STXBP6: variants seen among roughly 807,000 people sequenced by gnomAD.
The protein encoded by STXBP6 is syntaxin binding protein 6.
Under a neutral mutation model 26.9 loss-of-function variants are expected in STXBP6, and 21 were observed. That is an observed-to-expected ratio of 0.78 (90% CI 0.55 to 1.12). The LOEUF (loss-of-function observed/expected upper bound fraction) is 1.12, where lower values mean the gene tolerates loss of function less well. Ranked by LOEUF, STXBP6 falls within the 50% of genes most tolerant of loss-of-function variation. STXBP6 has a pLI of 0.00. For missense variants in STXBP6, 232 were observed against 257.9 expected, an observed-to-expected ratio of 0.90 and a Z score of 0.69; for synonymous variants, 97 against 92.6, an observed-to-expected ratio of 1.05 and a Z score of -0.27.
intron 4 of STXBP6, among the ~76,000 whole-genome samples, chr14:24,855,574 C>T (rs534677836): frequency 2.0e-5 from 3 of 151,984 alleles, no homozygotes; most frequent in African/African-American, 4.8e-5. Flanking sequence ...AAAAAGGCAA[C>T]CCAGAAAATG....
At chr14:24,911,101 G>A (rs2071555298) in intron 2 of STXBP6, among the ~76,000 whole-genome samples, 1 of 152,092 alleles carries the variant, frequency 6.6e-6, no homozygotes, top group African/African-American at 2.4e-5. Flanking sequence ...AAGGTGAGAG[G>A]ATCACTTGAG....
At chr14:24,871,757 C>G (rs544772517) in intron 2 of STXBP6, among the ~76,000 whole-genome samples, 1 of 152,320 alleles carries the variant, frequency 6.6e-6, no homozygotes, top group African/African-American at 2.4e-5. Context: ...ATATCACTAA[C>G]TCAGGAACTC....
chr14:24,873,864 C>G (rs1245747843), intron 2 of STXBP6, among the ~76,000 whole-genome samples: 2 of 152,204 alleles, frequency 1.3e-5, no homozygotes, highest in Admixed American at 1.3e-4. Flanking sequence ...CTGGCTGTGT[C>G]TGCCTGAACT....
chr14:24,973,403 T>C (rs1261563576), intron 2 of STXBP6, among the ~76,000 whole-genome samples: 13 of 126,336 alleles, frequency 1.0e-4, no homozygotes, highest in Non-Finnish European at 2.0e-4. Context: ...TTTTTTTTTT[T>C]GAGACAGAGT....
intron 2 of STXBP6, among the ~76,000 whole-genome samples, chr14:24,938,929 G>A (rs1322261116): frequency 6.6e-6 from 1 of 152,138 alleles, no homozygotes; most frequent in African/African-American, 2.4e-5. Context: ...TGTCCAGGGG[G>A]AAGGAAGATC....
At chr14:24,976,429 T>C (rs1375473091) in intron 1 of STXBP6, among the ~76,000 whole-genome samples, 1 of 152,242 alleles carries the variant, frequency 6.6e-6, no homozygotes, top group Admixed American at 6.5e-5. Flanking sequence ...ACAAAGAATA[T>C]GTATCTAGAT....
At chr14:24,958,143 C>T (rs558497057) in intron 2 of STXBP6, among the ~76,000 whole-genome samples, 26 of 152,116 alleles carry the variant, frequency 1.7e-4, no homozygotes, top group African/African-American at 4.3e-4. Context: ...GGATTCAATG[C>T]GGTTAGGCTA....
In STXBP6 at chr14:25,049,541, C is replaced by A; in HGVS notation, c.-33+337G>T. ...GGCCCATGCCATCGCGGGGACGGTG[C>A]GGAAAAAAAGGCTCCATCCTCAACT... On this transcript the variant is annotated intron_variant, in intron 1 of 5. Coordinates refer to ENST00000323944, the MANE Select transcript of STXBP6 (RefSeq NM_001394410.1). The surrounding 1 kb of genome is among the most constrained non-coding windows in gnomAD (Gnocchi z 5.6). 3 of 985,324 alleles carry A rather than the reference C, an allele frequency of 3.0e-6. No homozygotes were observed. The highest frequency in any genetic ancestry group is 1.7e-5 in the African/African-American group (1 of 57,306). The allele number at this position is 985,324 out of a possible 1,614,324, so 61.0% of individuals were successfully genotyped here. A position where few individuals can be genotyped will look rare whatever the true frequency, so the allele number is the denominator to read the frequency against.
chr14:24,910,202 G>T (rs1055336912), intron 2 of STXBP6, among the ~76,000 whole-genome samples: 1 of 151,998 alleles, frequency 6.6e-6, no homozygotes, highest in Non-Finnish European at 1.5e-5. Flanking sequence ...TGCTCACATG[G>T]CCCCATGTTA....
chr14:24,840,489 CTG>C (rs1470075928), intron 4 of STXBP6, among the ~76,000 whole-genome samples: 1 of 152,244 alleles, frequency 6.6e-6, no homozygotes, highest in Non-Finnish European at 1.5e-5. Flanking sequence ...TGTCCCAGCA[CTG>C]TGCCAATTTG....
Position 24,824,097 on chromosome 14 carries a change from G to C in STXBP6, c.452-4903C>G, listed in dbSNP as rs942499652. Among the ~76,000 whole-genome samples the C allele has an allele frequency of 2.6e-5, 4 of 152,126 alleles. No individual in the cohort carries two copies. In the East Asian group the frequency reaches 7.7e-4, roughly 29 times the overall value. ...TAATTTCACTGGATACAAAAAGGTA[G>C]GATTCACCTAAGACATGTTTTTTTC... On this transcript the variant is annotated intron_variant, in intron 4 of 5. Coordinates refer to ENST00000323944, the MANE Select transcript of STXBP6 (RefSeq NM_001394410.1).
chr14:24,831,811 C>T (rs1366065160), intron 4 of STXBP6, among the ~76,000 whole-genome samples: 1 of 151,804 alleles, frequency 6.6e-6, no homozygotes, highest in Non-Finnish European at 1.5e-5. Flanking sequence ...ATGATTTGCT[C>T]ATGTAAAATA....
At chr14:24,936,882 A>C (rs947993364) in intron 2 of STXBP6, among the ~76,000 whole-genome samples, 3 of 152,232 alleles carry the variant, frequency 2.0e-5, no homozygotes, top group African/African-American at 7.2e-5. Context: ...AAGACTTGGA[A>C]CCAACCCAAA....
At position 24,960,892 on chromosome 14, in the gene STXBP6, C is replaced by T. The variant is rs1164893834; in HGVS notation, c.154+13773G>A. ...TAATCACATCTCTTTCTCATCTAAC[C>T]CCACTTCAACCAAAGTCAAAAATTA... On this transcript the variant is annotated intron_variant, in intron 2 of 5. Transcript: ENST00000323944. Among the ~76,000 whole-genome samples, 5 of 152,216 alleles carry T rather than the reference C, an allele frequency of 3.3e-5. No individual in the cohort carries two copies. In the East Asian group the frequency reaches 9.6e-4, roughly 29 times the overall value.
chr14:24,842,072 A>C (rs1211698225), intron 4 of STXBP6, among the ~76,000 whole-genome samples: 1 of 152,170 alleles, frequency 6.6e-6, no homozygotes, highest in African/African-American at 2.4e-5. Flanking sequence ...GATTTAAAGT[A>C]ATGGTCTGAG....
intron 2 of STXBP6, among the ~76,000 whole-genome samples, chr14:24,890,698 A>C (rs985979514): frequency 6.6e-6 from 1 of 152,202 alleles, no homozygotes; most frequent in African/African-American, 2.4e-5. Flanking sequence ...AGGATACTGG[A>C]ATCTAGAATA....
intron 1 of STXBP6, among the ~76,000 whole-genome samples, chr14:25,021,500 C>G (rs2075262990): frequency 3.3e-5 from 5 of 151,940 alleles, no homozygotes; most frequent in African/African-American, 9.7e-5. Context: ...TTTTTCACCT[C>G]CTATTCATTT....
chr14:24,987,087 A>G (rs980469647), intron 1 of STXBP6, among the ~76,000 whole-genome samples: 4 of 152,208 alleles, frequency 2.6e-5, no homozygotes, highest in East Asian at 1.9e-4. Flanking sequence ...AAATCTATCA[A>G]TTGAATACTA....
In STXBP6 at chr14:24,883,417, T is replaced by C. The variant is rs368168485; in HGVS notation, c.155-26260A>G. 6.6e-4 allele frequency among the ~76,000 whole-genome samples: 101 copies of C among 152,334 alleles called. 3 individuals are homozygous for C. The Middle Eastern group carries it at 0.014, about 21-fold the overall frequency. ...CTTAGTCTCTACATAATGTCCTCTA[T>C]CTATTCTGGGATCCCAACAAGTATA... On this transcript the variant is annotated intron_variant, in intron 2 of 5. Transcript: ENST00000323944.
Sources: gnomAD v4.1 joint callset for allele counts (sites outside exome capture counted in the v4.1 genomes callset) on GRCh38, gnomAD v4.1.1 for gene constraint, Gnocchi (gnomAD v3.1) non-coding constraint, MANE v1.5 for transcripts, NCBI Gene and HGNC (gene_info 2026-07-23, HGNC 2026-07-21) for gene names.